The following COL15A1 variants were observed in gnomAD, a reference collection of about 807,000 sequenced individuals.
The protein encoded by COL15A1 is collagen alpha-1(XV) chain.
COL15A1 carries 111 observed loss-of-function variants against 165.9 expected under a neutral mutation model. That is an observed-to-expected ratio of 0.67 (90% CI 0.57 to 0.78). The LOEUF (loss-of-function observed/expected upper bound fraction) is 0.78. Ranked by LOEUF, COL15A1 falls within the 30% of genes least tolerant of loss-of-function variation. The pLI, the probability that COL15A1 is intolerant of heterozygous loss-of-function variation, is 0.00. For synonymous variants in COL15A1, 659 were observed against 674.8 expected, an observed-to-expected ratio of 0.98 and a Z score of 0.36; for missense variants, 1,745 against 1,789.7, an observed-to-expected ratio of 0.98 and a Z score of 0.45.
At chr9:99,026,092 GC>G in intron 16 of COL15A1, 126 bp downstream of exon 16, 1 of 831,842 alleles carries the variant, frequency 1.2e-6, no homozygotes, top group Admixed American at 2.9e-5. Context: ...TCCCCTGCTG[GC>G]CACTTCTGCT....
chr9:99,021,010 G>A (rs1464605911), intron 12 of COL15A1, among the ~76,000 whole-genome samples: 5 of 152,210 alleles, frequency 3.3e-5, no homozygotes, highest in East Asian at 1.9e-4. Context: ...CAGTCACTGC[G>A]GGAATAACAA....
Position 99,035,052 on chromosome 9 carries a change from GA to G in COL15A1, c.2123del (p.Lys708ArgfsTer44). 1.9e-6 allele frequency: 3 copies of G among 1,612,546 alleles called. No homozygotes were observed. The highest frequency in any genetic ancestry group is 2.5e-6 in the Non-Finnish European group (3 of 1,178,736). Reference sequence around the variant, plus strand: ...ACAGAGGCTTACCTGGACCCCCGGGGAAAAAGGGACAAGCTGGCCCTCCTGG... The same window carrying G: ...ACAGAGGCTTACCTGGACCCCCGGGGAAAAGGGACAAGCTGGCCCTCCTGG... ...GNRGLPGPPGKKGQAGPPGVM... is the reference protein window; with the variant it reads ...GNRGLPGPPGXKGQAGPPGVM... On this transcript the variant is annotated frameshift_variant, in exon 18 of 42. Coordinates refer to ENST00000375001, the MANE Select transcript of COL15A1 (RefSeq NM_001855.5). LOFTEE classifies it high-confidence loss of function.
intron 2 of COL15A1, among the ~76,000 whole-genome samples, chr9:98,947,413 G>C (rs1837603917): frequency 6.6e-6 from 1 of 152,068 alleles, no homozygotes; most frequent in Admixed American, 6.6e-5. Context: ...AAACTTTTTG[G>C]GGAGTGTTCT....
chr9:99,052,561 G>A, intron 31 of COL15A1, 128 bp downstream of exon 31: 1 of 778,794 alleles, frequency 1.3e-6, no homozygotes, highest in Admixed American at 1.8e-5. Flanking sequence ...TAGGGGTGGG[G>A]ATGGCAGCTG....
At chr9:98,970,273 A>T (rs540660602) in intron 2 of COL15A1, among the ~76,000 whole-genome samples, 1 of 152,336 alleles carries the variant, frequency 6.6e-6, no homozygotes, top group African/African-American at 2.4e-5. Context: ...GTCTGAATTT[A>T]TTTATGTACT....
rs568336949 is a variant in COL15A1 at position 99,069,712 on chromosome 9, C to T, written c.3993C>T (p.Gly1331=). The change falls in exon 42 of 42, where the codon GGC becomes GGT. Residue 1331 remains glycine, a synonymous_variant. Transcript: ENST00000375001. Reference sequence around the variant, plus strand: ...TTTGGCATGGCTCCAGCCCCCATGGCGTCCGCCTTGTGGATAACTACTGTG... The same window carrying T: ...TTTGGCATGGCTCCAGCCCCCATGGTGTCCGCCTTGTGGATAACTACTGTG... ...KVIWHGSSPH[G]VRLVDNYCEA... The T allele has an allele frequency of 3.7e-6, 6 of 1,612,920 alleles. No homozygotes were observed. Among genetic ancestry groups the T allele is most frequent in the East Asian group, 2.2e-5 (1 of 44,846 alleles).
chr9:99,021,405 C>T (rs1014269953), intron 12 of COL15A1, among the ~76,000 whole-genome samples: 2 of 152,178 alleles, frequency 1.3e-5, no homozygotes, highest in Admixed American at 6.5e-5. Context: ...GGGGACTTTA[C>T]TGTGGACATT....
intron 2 of COL15A1, among the ~76,000 whole-genome samples, chr9:98,946,918 G>C (rs138661945): frequency 0.01 from 1,564 of 152,330 alleles, 28 homozygotes; most frequent in African/African-American, 0.035. Flanking sequence ...TGCTTAAGTG[G>C]GGTGGCTTCT....
At chr9:99,025,314 G>C (rs534254846) in intron 15 of COL15A1, among the ~76,000 whole-genome samples, 8 of 152,186 alleles carry the variant, frequency 5.3e-5, no homozygotes, top group Non-Finnish European at 1.2e-4. Flanking sequence ...ACATTCAGCA[G>C]AGACTTTACC....
intron 30 of COL15A1, among the ~76,000 whole-genome samples, chr9:99,051,175 C>T (rs1418379193): frequency 6.6e-6 from 1 of 152,182 alleles, no homozygotes; most frequent in Non-Finnish European, 1.5e-5. Flanking sequence ...ACAGCAGCCT[C>T]TCCTAACTAA....
intron 2 of COL15A1, among the ~76,000 whole-genome samples, chr9:98,977,487 C>T (rs1034159359): frequency 2.6e-5 from 4 of 152,244 alleles, no homozygotes; most frequent in African/African-American, 7.2e-5. Context: ...GGCGCAGCCG[C>T]GAGTGAGCAT....
At chr9:99,050,830 A>T (rs770270256) in intron 30 of COL15A1, among the ~76,000 whole-genome samples, 1 of 152,194 alleles carries the variant, frequency 6.6e-6, no homozygotes, top group Non-Finnish European at 1.5e-5. Context: ...GGCTTGGGTC[A>T]TAGCCTTCAA....
At chr9:99,047,751 G>A (rs1334885692) in intron 26 of COL15A1, 35 bp from the exon 27 acceptor site, 2 of 1,611,528 alleles carry the variant, frequency 1.2e-6, no homozygotes, top group South Asian at 2.2e-5. Context: ...AAGACTTTCT[G>A]TTCTTTTCTA....
intron 7 of COL15A1, among the ~76,000 whole-genome samples, chr9:99,002,635 G>A (rs1214611248): frequency 2.0e-5 from 3 of 152,204 alleles, no homozygotes; most frequent in Admixed American, 6.5e-5. Context: ...GTTAGAAAGA[G>A]TCTCATTTTA....
At chr9:99,022,705 G>C (rs1211826111) in intron 13 of COL15A1, among the ~76,000 whole-genome samples, 1 of 152,242 alleles carries the variant, frequency 6.6e-6, no homozygotes, top group African/African-American at 2.4e-5. Context: ...TCTTCTGGGT[G>C]CCTCTCAGGG....
chr9:98,974,441 A>G (rs1184161928), intron 2 of COL15A1, among the ~76,000 whole-genome samples: 3 of 152,156 alleles, frequency 2.0e-5, no homozygotes, highest in Non-Finnish European at 4.4e-5. Flanking sequence ...AAGGGAAAGA[A>G]CCGTCCCAGA....
chr9:98,987,427 A>T, intron 4 of COL15A1, 59 bp downstream of exon 4: 1 of 1,469,814 alleles, frequency 6.8e-7, no homozygotes, highest in Non-Finnish European at 9.3e-7. Flanking sequence ...CAGCCTGGGG[A>T]GGGCTGGATG....
chr9:99,064,897 A>T (rs569700572), intron 39 of COL15A1, among the ~76,000 whole-genome samples: 6 of 152,344 alleles, frequency 3.9e-5, no homozygotes, highest in African/African-American at 1.4e-4. Flanking sequence ...GTATTTTATA[A>T]ATTCAGAACT....
chr9:99,070,682 T>A lies in COL15A1; in HGVS notation c.*796T>A, dbSNP rs1432603316. 4.5e-6 allele frequency: 2 copies of A among 442,542 alleles called. No homozygotes were observed. Among genetic ancestry groups the A allele is most frequent in the Non-Finnish European group, 9.0e-6 (2 of 221,900 alleles). The allele number at this position is 442,542 out of a possible 1,614,324, so 27.4% of individuals were successfully genotyped here. A position where few individuals can be genotyped will look rare whatever the true frequency, so the allele number is the denominator to read the frequency against. ...TATAACTGCGACTGAAACAAACAGG[T>A]TCATAGAGATGAATTTTCTGAGAAA... On this transcript the variant is annotated 3_prime_UTR_variant, in exon 42 of 42. Coordinates refer to ENST00000375001, the MANE Select transcript of COL15A1 (RefSeq NM_001855.5).
Sources: gnomAD v4.1 joint callset for allele counts (sites outside exome capture counted in the v4.1 genomes callset) on GRCh38, gnomAD v4.1.1 for gene constraint, MANE v1.5 for transcripts, NCBI Gene and HGNC (gene_info 2026-07-23, HGNC 2026-07-21) for gene names.